Variants in C9orf72 observed in about 807,000 individuals in gnomAD.
The protein encoded by C9orf72 is C9orf72-SMCR8 complex subunit, also known as guanine nucleotide exchange factor C9orf72.
A neutral mutation model predicts 51.6 loss-of-function variants in C9orf72; 44 were observed. That is an observed-to-expected ratio of 0.85 (90% CI 0.67 to 1.10). The LOEUF is 1.10. Ranked by LOEUF, C9orf72 falls within the 50% of genes least tolerant of loss-of-function variation. The pLI, the probability that C9orf72 is intolerant of heterozygous loss-of-function variation, is 0.00. For synonymous variants in C9orf72, 213 were observed against 194.2 expected, an observed-to-expected ratio of 1.10 and a Z score of -0.81; for missense variants, 607 against 570.6, an observed-to-expected ratio of 1.06 and a Z score of -0.65.
intron 8 of C9orf72, among the ~76,000 whole-genome samples, chr9:27,553,174 C>T (rs995111898): frequency 6.6e-6 from 1 of 152,070 alleles, no homozygotes; most frequent in African/African-American, 2.4e-5. Context: ...AATGCTATTC[C>T]TATAAACTAC....
At chr9:27,566,640 T>C in intron 2 of C9orf72, 37 bp downstream of exon 2, 1 of 1,403,928 alleles carries the variant, frequency 7.1e-7, no homozygotes, top group East Asian at 2.3e-5. Context: ...TTTCAACAGA[T>C]AGGTTAACAT....
In C9orf72 at chr9:27,558,591, C is replaced by CA; in HGVS notation, c.754dup (p.Cys252LeufsTer16). On this transcript the variant is annotated frameshift_variant, in exon 7 of 11. Transcript: ENST00000380003. LOFTEE classifies it high-confidence loss of function. The stretch of plus-strand genomic sequence containing the variant: ...TCTCTCTGCTGGAGTCAGAAAAAGG[C>CA]ATAATGTTCTGACTATCTATAAAAG... The CA allele has an allele frequency of 6.3e-7, 1 of 1,584,450 alleles. No individual in the cohort carries two copies. The highest frequency in any genetic ancestry group is 1.1e-5 in the South Asian group (1 of 88,064).
intron 8 of C9orf72, among the ~76,000 whole-genome samples, chr9:27,555,414 C>G (rs1006703274): frequency 1.4e-4 from 22 of 152,162 alleles, no homozygotes; most frequent in African/African-American, 5.1e-4. Flanking sequence ...CTCCACAGGT[C>G]TGTTACCTAA....
chr9:27,565,880 A>C (rs929457158), intron 2 of C9orf72, among the ~76,000 whole-genome samples: 4 of 152,188 alleles, frequency 2.6e-5, no homozygotes, highest in African/African-American at 7.2e-5. Context: ...AATGACTTGC[A>C]CTTTTCAAAT....
intron 8 of C9orf72, among the ~76,000 whole-genome samples, chr9:27,552,110 T>A (rs974960220): frequency 2.6e-5 from 4 of 152,182 alleles, no homozygotes; most frequent in Non-Finnish European, 5.9e-5. Context: ...TAGTTTGACT[T>A]CTTCTCTTCC....
Position 27,566,724 on chromosome 9 carries a change from C to G in C9orf72, c.397G>C (p.Asp133His). Residue 133 changes from aspartate to histidine, a missense_variant, in exon 2 of 11, where the codon GAT becomes CAT. Physicochemically the swap from Asp to His is moderately conservative, Grantham distance 81 (BLOSUM62 -1). Coordinates refer to ENST00000380003, the MANE Select transcript of C9orf72 (RefSeq NM_018325.5). Reference protein sequence around the residue: ...FYLPLHRVCVDRLTHIIRKGR... With the variant: ...FYLPLHRVCVHRLTHIIRKGR... ...TTCCGGATTATATGTGTTAATCTATCAACACACACTCTATGAAGTGGGAGG... is the reference window on the plus strand; with the variant it reads ...TTCCGGATTATATGTGTTAATCTATGAACACACACTCTATGAAGTGGGAGG... 6.2e-7 allele frequency: 1 copy of G among 1,613,036 alleles called. No homozygotes were observed. Among genetic ancestry groups the G allele is most frequent in the Non-Finnish European group, 8.5e-7 (1 of 1,179,324 alleles).
chr9:27,548,628 A>T lies in C9orf72; in HGVS notation c.1188T>A (p.Thr396=), dbSNP rs780934681. ...GGACAAGTAGAAACTGTGCAAGGAA[A>T]GTACTTCTGAGAGATAAGCCAGGTT... The part of the protein sequence containing the change: ...QLKPGLSLRS[T]FLAQFLLVLH... Residue 396 remains threonine (T), a synonymous_variant, in exon 10 of 11, where the codon ACT becomes ACA. Transcript: ENST00000380003. 3.1e-6 allele frequency: 5 copies of T among 1,612,414 alleles called. No homozygotes were observed. Among genetic ancestry groups the T allele is most frequent in the Non-Finnish European group, 3.4e-6 (4 of 1,178,620 alleles).
intron 1 of C9orf72, among the ~76,000 whole-genome samples, chr9:27,570,101 T>A (rs547089671): frequency 6.6e-6 from 1 of 152,356 alleles, no homozygotes; most frequent in African/African-American, 2.4e-5. Flanking sequence ...TTCATTTAGG[T>A]AATATTTACT....
At chr9:27,569,267 T>A (rs970696263) in intron 1 of C9orf72, among the ~76,000 whole-genome samples, 2 of 152,172 alleles carry the variant, frequency 1.3e-5, no homozygotes, top group Non-Finnish European at 2.9e-5. Context: ...ACTGTTAAGA[T>A]AAATTTGGTG....
intron 3 of C9orf72, among the ~76,000 whole-genome samples, chr9:27,565,195 G>A (rs1393858636): frequency 6.6e-6 from 1 of 151,726 alleles, no homozygotes. Context: ...TACTTCTAGG[G>A]AAAGGTTCGA....
chr9:27,560,160 T>C, intron 6 of C9orf72, 67 bp downstream of exon 6: 1 of 1,045,752 alleles, frequency 9.6e-7, no homozygotes, highest in Non-Finnish European at 1.4e-6. Flanking sequence ...ACCATTTAAA[T>C]GACAATCCAT....
chr9:27,565,669 G>T, intron 2 of C9orf72, 79 bp from the exon 3 acceptor site: 1 of 910,102 alleles, frequency 1.1e-6, no homozygotes, highest in Non-Finnish European at 1.8e-6. Flanking sequence ...ACATGTTCTT[G>T]TGTAGTAATT....
At chr9:27,558,759 C>G (rs1001825362) in intron 6 of C9orf72, 152 bp from the exon 7 acceptor site, 3 of 516,588 alleles carry the variant, frequency 5.8e-6, no homozygotes, top group Admixed American at 3.8e-5. Flanking sequence ...TGGGATGTAA[C>G]AGTTGTTGCT....
At chr9:27,567,189 T>A in intron 1 of C9orf72, 25 bp from the exon 2 acceptor site, 3 of 1,327,120 alleles carry the variant, frequency 2.3e-6, no homozygotes, top group Non-Finnish European at 3.2e-6. Flanking sequence ...ATGAAACCAA[T>A]GATTAGGTTC....
Position 27,547,926 on chromosome 9 carries a change from CA to C in C9orf72, c.*309del, listed in dbSNP as rs200583482. ...CATGTAAACCATGAATCATGTATTT[CA>C]AAAAAACAGTAGTTGTGGTCAAGTT... On this transcript the variant is annotated 3_prime_UTR_variant, in exon 11 of 11. Transcript: ENST00000380003. The C allele has an allele frequency of 2.2e-5, 4 of 180,564 alleles. No homozygotes were observed. Among genetic ancestry groups the C allele is most frequent in the Admixed American group, 6.2e-5 (1 of 16,214 alleles). The allele number at this position is 180,564 out of a possible 1,614,324, so 11.2% of individuals were successfully genotyped here.
intron 1 of C9orf72, among the ~76,000 whole-genome samples, chr9:27,571,446 T>A (rs1045940005): frequency 6.6e-6 from 1 of 152,134 alleles, no homozygotes; most frequent in South Asian, 2.1e-4. Context: ...AATTCTACAA[T>A]CATAAAGCCC....
Position 27,548,212 on chromosome 9 carries a change from GA to G in C9orf72, c.*23del, listed in dbSNP as rs1292359608. On this transcript the variant is annotated 3_prime_UTR_variant, in exon 11 of 11. Transcript: ENST00000380003. ...TTTACCAGCGATCATGATTGTGATG[GA>G]ATAGGCTTATTAAGTTACACATTTA... is the stretch of plus-strand genomic sequence containing the variant. 1 of 1,569,436 alleles carries G rather than the reference GA, an allele frequency of 6.4e-7. No homozygotes were observed. Among genetic ancestry groups the G allele is most frequent in the African/African-American group, 1.4e-5 (1 of 73,372 alleles).
chr9:27,562,013 A>T (rs1392339833), intron 4 of C9orf72, among the ~76,000 whole-genome samples: 2 of 152,242 alleles, frequency 1.3e-5, no homozygotes, highest in Non-Finnish European at 2.9e-5. Flanking sequence ...TAAGGAAACT[A>T]AATTTGTGAC....
chr9:27,564,416 G>C (rs1453017876), intron 3 of C9orf72, among the ~76,000 whole-genome samples: 1 of 152,104 alleles, frequency 6.6e-6, no homozygotes, highest in African/African-American at 2.4e-5. Flanking sequence ...CTCAACTTGC[G>C]ATAAGTTTAC....
Sources: allele counts gnomAD v4.1 joint callset (sites outside exome capture counted in the v4.1 genomes callset), GRCh38; gene constraint gnomAD v4.1.1; transcripts MANE v1.5; gene names NCBI Gene and HGNC (gene_info 2026-07-23, HGNC 2026-07-21).